ZNF514: variants seen among roughly 807,000 people sequenced by gnomAD.
The protein encoded by ZNF514 is zinc finger protein 514.
ZNF514 carries 12 observed loss-of-function variants against 9.7 expected under a neutral mutation model. The observed-to-expected ratio is 1.24, with a 90% CI of 0.79 to 2.01. ZNF514 has a LOEUF of 2.01. Ranked by LOEUF, ZNF514 falls within the 30% of genes most tolerant of loss-of-function variation. The pLI, the probability that ZNF514 is intolerant of heterozygous loss-of-function variation, is 0.00. For synonymous variants in ZNF514, 158 were observed against 163.7 expected (o/e 0.97, Z 0.27); for missense variants, 467 against 465.5 (o/e 1.00, Z -0.03).
chr2:95,146,447 G>A lies in ZNF514; in HGVS notation c.*2835C>T, dbSNP rs549361899. Among the ~76,000 whole-genome samples the A allele has an allele frequency of 6.6e-6, 1 of 152,098 alleles. No individual in the cohort carries two copies. The highest frequency in any genetic ancestry group is 6.6e-5 in the Admixed American group (1 of 15,242). On this transcript the variant is annotated 3_prime_UTR_variant, in exon 5 of 5. Transcript: ENST00000295208. ...GACTGATTATGTAGGCTTTAGGTAA[G>A]TAGAGAAGGTGCCCCCGGCTGATAG... is the stretch of plus-strand genomic sequence containing the variant.
chr2:95,137,189 A>C, the ZNF514 span, among the ~76,000 whole-genome samples: 7 of 152,210 alleles, frequency 4.6e-5, no homozygotes, highest in South Asian at 2.1e-4. Context: ...CACGCCAAAG[A>C]AGCAGCCTTA....
chr2:95,136,653 T>C, the ZNF514 span, among the ~76,000 whole-genome samples: 1 of 151,686 alleles, frequency 6.6e-6, no homozygotes, highest in Admixed American at 6.6e-5. Context: ...AACTCACAAT[T>C]GTCTTACCTA....
intron 4 of ZNF514, 99 bp from the exon 5 acceptor site, chr2:95,150,366 G>T (rs1673505172): frequency 7.5e-7 from 1 of 1,326,454 alleles, no homozygotes; most frequent in South Asian, 1.6e-5. Context: ...AAATAATTAA[G>T]CTTTAAAATA....
chr2:95,140,590 T>C (rs2104454269), downstream of ZNF514, among the ~76,000 whole-genome samples: 1 of 151,192 alleles, frequency 6.6e-6, no homozygotes, highest in Middle Eastern at 3.5e-3. Context: ...TCCAACCCGG[T>C]TGACGGAGCA....
the ZNF514 span, among the ~76,000 whole-genome samples, chr2:95,137,763 T>C: frequency 2.6e-5 from 4 of 152,212 alleles, no homozygotes; most frequent in Admixed American, 2.0e-4. Flanking sequence ...CAAACTTTTA[T>C]AGCAAGTGAT....
In ZNF514 at chr2:95,146,616, C is replaced by CG. The variant is rs1412755706; in HGVS notation, c.*2665dup. On this transcript the variant is annotated 3_prime_UTR_variant, in exon 5 of 5. Coordinates refer to ENST00000295208, the MANE Select transcript of ZNF514 (RefSeq NM_032788.3). ...TAAAGAGGGCATTATATACCACACA[C>CG]GGGGGGTGAGGATTTATCTTGTAGG... 6.7e-6 allele frequency among the ~76,000 whole-genome samples: 1 copy of CG among 149,476 alleles called. No individual in the cohort carries two copies. Among genetic ancestry groups the CG allele is most frequent in the Admixed American group, 6.8e-5 (1 of 14,746 alleles).
chr2:95,153,371 G>T, intron 2 of ZNF514, 112 bp from the exon 3 acceptor site: 1 of 1,095,180 alleles, frequency 9.1e-7, no homozygotes. Flanking sequence ...ATTCTTCTCA[G>T]GTGGAGGTAA....
chr2:95,151,522 T>C (rs1210149132), intron 4 of ZNF514, among the ~76,000 whole-genome samples: 4 of 152,256 alleles, frequency 2.6e-5, no homozygotes, highest in African/African-American at 4.8e-5. Context: ...AACCATGTGA[T>C]ACACATGCCA....
rs548513380 is a variant in ZNF514 at position 95,159,750 on chromosome 2, G to GCCCCCGCGTCCGCCCCGCGCCAGC, written c.-607_-606insGCTGGCGCGGGGCGGACGCGGGGG. ...CAGCCCCCGCGTCCGCCCCGCGCCA[G>GCCCCCGCGTCCGCCCCGCGCCAGC]CCCCGCCTCCCGAGGCCGTCCCGAG... On this transcript the variant is annotated 5_prime_UTR_variant, in exon 1 of 5. Transcript: ENST00000295208. The GCCCCCGCGTCCGCCCCGCGCCAGC allele has an allele frequency of 0.01, 1,276 of 126,234 alleles. 66 individuals are homozygous for GCCCCCGCGTCCGCCCCGCGCCAGC. Among genetic ancestry groups the GCCCCCGCGTCCGCCCCGCGCCAGC allele is most frequent in the Middle Eastern group, 0.042 (10 of 236 alleles). 7.8% of individuals were successfully genotyped at this position (126,234 alleles called of 1,614,324 possible).
the ZNF514 span, among the ~76,000 whole-genome samples, chr2:95,126,864 G>A: frequency 1.3e-5 from 2 of 151,656 alleles, no homozygotes; most frequent in Non-Finnish European, 2.9e-5. Context: ...TCACACTCCT[G>A]GCCTCAAGCA....
At chr2:95,151,597 CTG>C (rs1417304819) in intron 4 of ZNF514, among the ~76,000 whole-genome samples, 3 of 152,212 alleles carry the variant, frequency 2.0e-5, no homozygotes, top group Admixed American at 2.0e-4. Context: ...TTGTGCTACT[CTG>C]TTTCAGCCAC....
At chr2:95,143,790 G>A (rs1673300326), downstream of ZNF514, among the ~76,000 whole-genome samples, 1 of 152,170 alleles carries the variant, frequency 6.6e-6, no homozygotes, top group South Asian at 2.1e-4. Flanking sequence ...AAAATTAAAT[G>A]ACGCAAACAT....
At chr2:95,144,177 G>A (rs552322834), downstream of ZNF514, among the ~76,000 whole-genome samples, 2 of 152,310 alleles carry the variant, frequency 1.3e-5, no homozygotes, top group African/African-American at 4.8e-5. Context: ...GTGTGTCAGT[G>A]TACTTTATTC....
At chr2:95,124,531 C>T in the ZNF514 span, among the ~76,000 whole-genome samples, 4 of 152,186 alleles carry the variant, frequency 2.6e-5, no homozygotes, top group East Asian at 1.9e-4. Flanking sequence ...GACAGAGTCT[C>T]GCTCTGTCAC....
rs1049860445 is a variant in ZNF514, at chr2:95,145,046, A to C, written c.*4236T>G. ...TTTAATTGGTAGTCTTCTAGAAAGA[A>C]GGCTTTTCATATAGTACAAAAACAT... On this transcript the variant is annotated 3_prime_UTR_variant, in exon 5 of 5. Coordinates refer to ENST00000295208, the MANE Select transcript of ZNF514 (RefSeq NM_032788.3). Among the ~76,000 whole-genome samples the C allele has an allele frequency of 1.3e-5, 2 of 152,374 alleles. No homozygotes were observed. Among genetic ancestry groups the C allele is most frequent in the Middle Eastern group, 3.4e-3 (1 of 294 alleles).
In ZNF514 at chr2:95,149,652, T is replaced by G. The variant is rs1673470622; in HGVS notation, c.833A>C (p.His278Pro). 1.2e-6 allele frequency: 2 copies of G among 1,614,226 alleles called. No homozygotes were observed. Among genetic ancestry groups the G allele is most frequent in the Non-Finnish European group, 1.7e-6 (2 of 1,180,030 alleles). The part of the protein sequence containing the change: ...AFSQSSSLVL[H>P]YRFHTGEKPY... ...TTTCTCTCCAGTGTGAAATCTATAG[T>G]GCAGAACAAGAGACGAACTCTGGCT... The change falls in exon 5 of 5, where the codon CAC (histidine) becomes CCC (proline). Residue 278 changes from histidine to proline, a missense_variant. Physicochemically the swap from His to Pro is moderately conservative, Grantham distance 77 (BLOSUM62 -2). Transcript: ENST00000295208.
At chr2:95,144,909 C>CCACA (rs148957998), downstream of ZNF514, among the ~76,000 whole-genome samples, 1 of 150,612 alleles carries the variant, frequency 6.6e-6, no homozygotes, top group Admixed American at 6.6e-5. Flanking sequence ...TTCTATGTAA[C>CCACA]CACACACACA....
chr2:95,158,787 A>G, intron 1 of ZNF514: 1 of 1,234,658 alleles, frequency 8.1e-7, no homozygotes, highest in South Asian at 1.4e-5. Flanking sequence ...GACCCAGGAG[A>G]CTGCGGCTTC....
At chr2:95,132,509 T>C in the ZNF514 span, among the ~76,000 whole-genome samples, 1 of 152,148 alleles carries the variant, frequency 6.6e-6, no homozygotes, top group Non-Finnish European at 1.5e-5. Flanking sequence ...GGATCACTCA[T>C]ACATTGCTGG....
Sources: gnomAD v4.1 joint callset for allele counts (sites outside exome capture counted in the v4.1 genomes callset) on GRCh38, gnomAD v4.1.1 for gene constraint, MANE v1.5 for transcripts, NCBI Gene and HGNC (gene_info 2026-07-23, HGNC 2026-07-21) for gene names.